Variants in GDPD5 observed in about 807,000 individuals in gnomAD.
The protein encoded by GDPD5 is glycerophosphodiester phosphodiesterase domain containing 5.
In GDPD5, 48 loss-of-function variants were observed where a neutral mutation model predicts 75.1. The observed-to-expected ratio is 0.64, with a 90% CI of 0.51 to 0.81. The LOEUF (loss-of-function observed/expected upper bound fraction) is 0.81. GDPD5 is among the 40% of genes least tolerant of loss of function. GDPD5 has a pLI of 0.00. For missense variants in GDPD5, 706 were observed against 822.6 expected (o/e 0.86, Z 1.73); for synonymous variants, 336 against 339.0 (o/e 0.99, Z 0.10).
At chr11:75,451,631 G>C (rs890891805) in intron 6 of GDPD5, 2 of 152,258 alleles carry the variant, frequency 1.3e-5, no homozygotes, top group African/African-American at 4.8e-5. Flanking sequence ...CCTTCTCCCG[G>C]CTGCCCCCGG....
At chr11:75,450,597 TG>T in intron 6 of GDPD5, 1 of 154,452 alleles carries the variant, frequency 6.5e-6, no homozygotes, top group Non-Finnish European at 1.4e-5. Flanking sequence ...TCCGCCGTGA[TG>T]GGGGCCATCC....
Position 75,510,973 on chromosome 11 carries a change from T to C in GDPD5, c.-145+14237A>G, listed in dbSNP as rs138880371. On this transcript the variant is annotated intron_variant, in intron 1 of 16. Coordinates refer to ENST00000336898, the MANE Select transcript of GDPD5 (RefSeq NM_030792.8). ...GATCACTTCTTCCTTTTAAGGCATG[T>C]ATTTAAGGCTTGTCTTTCTTTGAAA... 2.0e-4 allele frequency among the ~76,000 whole-genome samples: 31 copies of C among 152,328 alleles called. No individual in the cohort carries two copies. In the East Asian group the frequency reaches 5.2e-3, roughly 26 times the overall value.
In GDPD5 at chr11:75,462,906, G is replaced by T; in HGVS notation, c.118-17C>A. 1 of 1,605,726 alleles carries T rather than the reference G, an allele frequency of 6.2e-7. No individual in the cohort carries two copies. Among genetic ancestry groups the T allele is most frequent in the Non-Finnish European group, 8.5e-7 (1 of 1,173,988 alleles). On this transcript the variant is annotated splice_polypyrimidine_tract_variant and intron_variant, in intron 3 of 16. Coordinates refer to ENST00000336898, the MANE Select transcript of GDPD5 (RefSeq NM_030792.8). ...GCGCTCCCACTGGAAGAGCAGAGGA[G>T]GAGGGGATTAAGTGGGTCAGGGGCC...
intron 3 of GDPD5, among the ~76,000 whole-genome samples, chr11:75,464,173 C>A (rs1412739154): frequency 1.3e-5 from 2 of 152,154 alleles, no homozygotes; most frequent in African/African-American, 4.8e-5. Flanking sequence ...CATCCCACAC[C>A]ATGCAAAGAT....
intron 1 of GDPD5, among the ~76,000 whole-genome samples, chr11:75,521,581 G>A (rs1383866728): frequency 2.0e-5 from 3 of 152,208 alleles, no homozygotes; most frequent in Non-Finnish European, 2.9e-5. Context: ...TATCATCACT[G>A]TAGTATTGTG....
chr11:75,439,805 T>C, intron 15 of GDPD5, 74 bp downstream of exon 15: 1 of 1,230,990 alleles, frequency 8.1e-7, no homozygotes, highest in Non-Finnish European at 1.2e-6. Flanking sequence ...CAGGAGAGGG[T>C]TCACCTGGCT....
chr11:75,464,266 T>C (rs1412877402), intron 3 of GDPD5, among the ~76,000 whole-genome samples: 1 of 152,236 alleles, frequency 6.6e-6, no homozygotes, highest in African/African-American at 2.4e-5. Flanking sequence ...ATTCTTTCTG[T>C]GACTCAGTTT....
chr11:75,466,376 G>A (rs1465123975), intron 3 of GDPD5, among the ~76,000 whole-genome samples: 2 of 152,148 alleles, frequency 1.3e-5, no homozygotes, highest in Non-Finnish European at 2.9e-5. Flanking sequence ...GAAGGGGAAG[G>A]TGAGGAAGTA....
intron 6 of GDPD5, chr11:75,452,684 G>T (rs965303178): frequency 6.6e-6 from 1 of 152,268 alleles, no homozygotes; most frequent in Non-Finnish European, 1.5e-5. Flanking sequence ...CATAAAGCTG[G>T]GGCCAGTGCA....
At chr11:75,448,792 C>T in intron 9 of GDPD5, 185 bp downstream of exon 9, 10 of 1,170,104 alleles carry the variant, frequency 8.5e-6, no homozygotes, top group Non-Finnish European at 1.0e-5. Context: ...AGCAAGATGC[C>T]TTCAGGACGC....
intron 9 of GDPD5, chr11:75,448,389 G>T: frequency 3.8e-6 from 3 of 780,984 alleles, no homozygotes; most frequent in Non-Finnish European, 4.7e-6. Context: ...CAAGATGGGG[G>T]AACCAGGCAA....
At chr11:75,466,112 G>A (rs991039900) in intron 3 of GDPD5, among the ~76,000 whole-genome samples, 6 of 152,350 alleles carry the variant, frequency 3.9e-5, no homozygotes, top group African/African-American at 1.4e-4. Context: ...GGTGGTTGGG[G>A]GTGAGGCATC....
At chr11:75,503,167 G>T (rs1950328013) in intron 1 of GDPD5, among the ~76,000 whole-genome samples, 1 of 152,102 alleles carries the variant, frequency 6.6e-6, no homozygotes, top group African/African-American at 2.4e-5. Flanking sequence ...TTACATGTGT[G>T]CACCACCATG....
rs191944049 is a variant in GDPD5 at position 75,504,312 on chromosome 11, G to A, written c.-144-13992C>T. ...CCCACTGGGCACGGTGGCAGGTGAG[G>A]AGGGCCTTAGATTCAGCTAAAGGAG... On this transcript the variant is annotated intron_variant, in intron 1 of 16. Coordinates refer to ENST00000336898, the MANE Select transcript of GDPD5 (RefSeq NM_030792.8). 2.7e-3 allele frequency among the ~76,000 whole-genome samples: 408 copies of A among 152,304 alleles called. 1 individual carries two copies. Among genetic ancestry groups the A allele is most frequent in the Non-Finnish European group, 5.2e-3 (357 of 68,026 alleles).
At chr11:75,462,214 C>T (rs926142489) in intron 4 of GDPD5, among the ~76,000 whole-genome samples, 4 of 152,158 alleles carry the variant, frequency 2.6e-5, no homozygotes, top group African/African-American at 4.8e-5. Flanking sequence ...CCTGGCCCAG[C>T]CTTATGTTCC....
At chr11:75,476,828 A>C (rs887670608) in intron 3 of GDPD5, among the ~76,000 whole-genome samples, 10 of 152,130 alleles carry the variant, frequency 6.6e-5, no homozygotes, top group Admixed American at 1.3e-4. Context: ...CCCCAGACAG[A>C]CAGCCAGGCC....
intron 1 of GDPD5, among the ~76,000 whole-genome samples, chr11:75,522,581 C>T (rs1941506029): frequency 6.6e-6 from 1 of 152,034 alleles, no homozygotes; most frequent in Non-Finnish European, 1.5e-5. Flanking sequence ...CCATCTGGCC[C>T]CCAACAGAAG....
At chr11:75,500,385 G>A (rs1399814019) in intron 1 of GDPD5, among the ~76,000 whole-genome samples, 4 of 152,148 alleles carry the variant, frequency 2.6e-5, no homozygotes, top group African/African-American at 9.7e-5. Flanking sequence ...CTGCCACCAA[G>A]TTCAACAATG....
At chr11:75,479,268 T>C (rs1312285568) in intron 2 of GDPD5, 1 of 152,218 alleles carries the variant, frequency 6.6e-6, no homozygotes, top group Non-Finnish European at 1.5e-5. Flanking sequence ...AGAGAAACTA[T>C]TTGCCCAGAG....
Sources: gnomAD v4.1 joint callset for allele counts (sites outside exome capture counted in the v4.1 genomes callset) on GRCh38, gnomAD v4.1.1 for gene constraint, MANE v1.5 for transcripts, NCBI Gene and HGNC (gene_info 2026-07-23, HGNC 2026-07-21) for gene names.